Variants in TPD52 observed in about 807,000 individuals in gnomAD.
TPD52 encodes the protein prostate and colon associated protein.
A neutral mutation model predicts 31.3 loss-of-function variants in TPD52; 17 were observed. The observed-to-expected ratio is 0.54, with a 90% CI of 0.37 to 0.82. The LOEUF (loss-of-function observed/expected upper bound fraction) is 0.82. Among genes scored for constraint, TPD52 ranks in the 40% least tolerant of loss-of-function variants. The pLI, the probability that TPD52 is intolerant of heterozygous loss-of-function variation, is 0.00. For missense variants in TPD52, 212 were observed against 240.1 expected (o/e 0.88, Z 0.77); for synonymous variants, 83 against 89.6 (o/e 0.93, Z 0.42).
chr8:80,147,370 G>A (rs192397369), intron 1 of TPD52, among the ~76,000 whole-genome samples: 5 of 151,990 alleles, frequency 3.3e-5, no homozygotes, highest in African/African-American at 1.2e-4. Flanking sequence ...AAACACTGCC[G>A]ATCACAAAAA....
chr8:80,094,041 T>C (rs1490155080), intron 1 of TPD52, among the ~76,000 whole-genome samples: 1 of 152,196 alleles, frequency 6.6e-6, no homozygotes, highest in Non-Finnish European at 1.5e-5. Flanking sequence ...TGAAGGCTCC[T>C]TGTTGACTTT....
chr8:80,168,156 C>T (rs1811840555), intron 1 of TPD52, among the ~76,000 whole-genome samples: 1 of 152,048 alleles, frequency 6.6e-6, no homozygotes, highest in African/African-American at 2.4e-5. Context: ...GTATTCAAGC[C>T]CTAGGTATGA....
intron 1 of TPD52, among the ~76,000 whole-genome samples, chr8:80,086,316 A>C (rs1478341531): frequency 1.3e-5 from 2 of 150,892 alleles, no homozygotes; most frequent in Non-Finnish European, 3.0e-5. Flanking sequence ...ACGGAGTTTC[A>C]CCATATTGGC....
At chr8:80,099,816 A>G (rs1187210931) in intron 1 of TPD52, among the ~76,000 whole-genome samples, 1 of 152,156 alleles carries the variant, frequency 6.6e-6, no homozygotes, top group Admixed American at 6.6e-5. Context: ...CAGCTGGTCT[A>G]ACATCTTTTT....
intron 1 of TPD52, among the ~76,000 whole-genome samples, chr8:80,091,130 G>C (rs1816224753): frequency 6.6e-6 from 1 of 152,154 alleles, no homozygotes; most frequent in Non-Finnish European, 1.5e-5. Context: ...GAAGTCTCAA[G>C]AATGCCTGAA....
At chr8:80,072,704 T>C (rs1045139489) in intron 1 of TPD52, among the ~76,000 whole-genome samples, 5 of 143,314 alleles carry the variant, frequency 3.5e-5, no homozygotes, top group Non-Finnish European at 7.4e-5. Flanking sequence ...TACACACATA[T>C]ATACATCTAT....
At chr8:80,072,345 G>GTGTA (rs975820865) in intron 1 of TPD52, among the ~76,000 whole-genome samples, 3 of 150,260 alleles carry the variant, frequency 2.0e-5, no homozygotes, top group Non-Finnish European at 4.4e-5. Context: ...GTGTGTGTGT[G>GTGTA]TGTATGTGTG....
chr8:80,089,104 T>C (rs1241724868), intron 1 of TPD52, among the ~76,000 whole-genome samples: 1 of 152,182 alleles, frequency 6.6e-6, no homozygotes, highest in Admixed American at 6.5e-5. Context: ...TAAATTTCCA[T>C]TGTTCAAACC....
At chr8:80,154,988 T>G (rs1810853160) in intron 1 of TPD52, among the ~76,000 whole-genome samples, 1 of 138,426 alleles carries the variant, frequency 7.2e-6, no homozygotes, top group Non-Finnish European at 1.5e-5. Context: ...GCTTTTTGTG[T>G]TTTTGGTTTT....
At chr8:80,042,792 G>C in intron 6 of TPD52, 124 bp from the exon 7 acceptor site, 1 of 819,328 alleles carries the variant, frequency 1.2e-6, no homozygotes, top group East Asian at 2.6e-5. Context: ...GATATAATCT[G>C]TACCATATAT....
chr8:80,080,613 C>G, intron 1 of TPD52: 4 of 1,377,188 alleles, frequency 2.9e-6, no homozygotes, highest in Non-Finnish European at 3.7e-6. Flanking sequence ...CCAGCATTTC[C>G]TTTTGGGAGC....
chr8:80,131,379 A>G (rs1346071404), intron 1 of TPD52, among the ~76,000 whole-genome samples: 1 of 152,220 alleles, frequency 6.6e-6, no homozygotes, highest in African/African-American at 2.4e-5. Context: ...AACACCTAGC[A>G]TATTATATAC....
Position 80,038,091 on chromosome 8 carries a change from G to A in TPD52, c.*25C>T. 6.2e-7 allele frequency: 1 copy of A among 1,612,568 alleles called. No homozygotes were observed. Among genetic ancestry groups the A allele is most frequent in the Non-Finnish European group, 8.5e-7 (1 of 1,178,818 alleles). ...GACCTCGCTTGCAGCATCTGGCAGT[G>A]GGTAGCAGAACAAAGGTAGGAATCT... On this transcript the variant is annotated 3_prime_UTR_variant, in exon 8 of 8. Transcript: ENST00000518937.
At chr8:80,121,875 G>A (rs922256824) in intron 1 of TPD52, among the ~76,000 whole-genome samples, 1 of 152,058 alleles carries the variant, frequency 6.6e-6, no homozygotes, top group East Asian at 1.9e-4. Context: ...TTCCAGCTGA[G>A]TTCCTACAGC....
intron 1 of TPD52, among the ~76,000 whole-genome samples, chr8:80,141,530 C>G (rs889393199): frequency 2.0e-5 from 3 of 152,176 alleles, no homozygotes; most frequent in African/African-American, 7.2e-5. Context: ...GATGCCCCAG[C>G]CAACAACTCT....
intron 1 of TPD52, among the ~76,000 whole-genome samples, chr8:80,088,343 C>T (rs962258850): frequency 1.3e-5 from 2 of 152,138 alleles, no homozygotes; most frequent in Non-Finnish European, 2.9e-5. Context: ...ATTTGGTTTT[C>T]GTCAGATTAA....
intron 1 of TPD52, among the ~76,000 whole-genome samples, chr8:80,142,177 T>C: frequency 6.6e-6 from 1 of 152,210 alleles, no homozygotes; most frequent in East Asian, 1.9e-4. Context: ...CTGTCATGTG[T>C]TGCAATTAAG....
chr8:80,092,327 A>T (rs963068606), intron 1 of TPD52, among the ~76,000 whole-genome samples: 2 of 152,174 alleles, frequency 1.3e-5, no homozygotes, highest in Admixed American at 1.3e-4. Flanking sequence ...CCACTGACAC[A>T]TCTTCCCAGC....
At chr8:80,079,987 CT>C (rs1291685237) in intron 1 of TPD52, among the ~76,000 whole-genome samples, 1 of 152,136 alleles carries the variant, frequency 6.6e-6, no homozygotes, top group Non-Finnish European at 1.5e-5. Context: ...ACCTAAGCAA[CT>C]AGAAACCAAG....
Sources: gnomAD v4.1 joint callset for allele counts (sites outside exome capture counted in the v4.1 genomes callset) on GRCh38, gnomAD v4.1.1 for gene constraint, MANE v1.5 for transcripts, NCBI Gene and HGNC (gene_info 2026-07-23, HGNC 2026-07-21) for gene names.